TANGO6: variants seen among roughly 807,000 people sequenced by gnomAD.
TANGO6 encodes transport and golgi organization 6 homolog, also known as transport and Golgi organization protein 6 homolog.
TANGO6 carries 90 observed loss-of-function variants against 114.2 expected under a neutral mutation model. That is an observed-to-expected ratio of 0.79 (90% CI 0.66 to 0.94). The LOEUF (loss-of-function observed/expected upper bound fraction) is 0.94. Among genes scored for constraint, TANGO6 ranks in the 40% least tolerant of loss-of-function variants. TANGO6 has a pLI of 0.00. For missense variants in TANGO6, 1,274 were observed against 1,315.3 expected (o/e 0.97, Z 0.49); for synonymous variants, 477 against 509.8 (o/e 0.94, Z 0.87).
At chr16:69,025,894 C>T (rs1182354247) in intron 16 of TANGO6, 1 of 237,774 alleles carries the variant, frequency 4.2e-6, no homozygotes, top group African/African-American at 2.3e-5. Context: ...TCCTGAACCC[C>T]TTTCAGTGTC....
chr16:68,864,043 G>A (rs1207650298), intron 3 of TANGO6, among the ~76,000 whole-genome samples: 1 of 151,848 alleles, frequency 6.6e-6, no homozygotes, highest in African/African-American at 2.4e-5. Context: ...GCATGGTGAC[G>A]CATGCCTGTA....
At chr16:68,952,604 AC>A (rs1963481222) in intron 14 of TANGO6, among the ~76,000 whole-genome samples, 1 of 152,272 alleles carries the variant, frequency 6.6e-6, no homozygotes, top group Middle Eastern at 3.4e-3. Flanking sequence ...AGCATCAATT[AC>A]CCCCTCTCAG....
chr16:68,848,341 T>C (rs1423147675), intron 1 of TANGO6, among the ~76,000 whole-genome samples: 2 of 152,132 alleles, frequency 1.3e-5, no homozygotes, highest in African/African-American at 2.4e-5. Context: ...AAAGATTTTT[T>C]AAATATAGAG....
chr16:69,061,231 A>G (rs1388511908), intron 17 of TANGO6, among the ~76,000 whole-genome samples: 1 of 152,128 alleles, frequency 6.6e-6, no homozygotes, highest in African/African-American at 2.4e-5. Context: ...GAGTGACAGA[A>G]TGAATACTGA....
intron 4 of TANGO6, 170 bp downstream of exon 4, chr16:68,867,390 C>A: frequency 4.2e-6 from 3 of 722,554 alleles, no homozygotes; most frequent in Non-Finnish European, 6.7e-6. Flanking sequence ...GCTTCTTTTC[C>A]AAAGAAACTA....
At chr16:69,074,310 C>G (rs180916804) in intron 17 of TANGO6, among the ~76,000 whole-genome samples, 1 of 151,516 alleles carries the variant, frequency 6.6e-6, no homozygotes, top group East Asian at 2.0e-4. Context: ...AAAAGGAGTC[C>G]CGATCCAGAC....
chr16:68,850,273 C>T (rs1243160889), intron 1 of TANGO6, among the ~76,000 whole-genome samples: 1 of 152,034 alleles, frequency 6.6e-6, no homozygotes, highest in Non-Finnish European at 1.5e-5. Context: ...CGTCCAGCCT[C>T]TAGCTGTTCT....
intron 15 of TANGO6, among the ~76,000 whole-genome samples, chr16:68,996,128 G>A (rs1963987344): frequency 6.6e-6 from 1 of 152,184 alleles, no homozygotes; most frequent in Admixed American, 6.6e-5. Context: ...ACTGAAGTCA[G>A]AACAGAGATG....
chr16:68,938,960 A>C (rs1395220423), intron 14 of TANGO6, among the ~76,000 whole-genome samples: 1 of 150,922 alleles, frequency 6.6e-6, no homozygotes, highest in Non-Finnish European at 1.5e-5. Flanking sequence ...TAACCCCAAC[A>C]CTTTGGGAGG....
chr16:68,864,258 G>A (rs116552532), intron 3 of TANGO6, among the ~76,000 whole-genome samples: 55 of 151,832 alleles, frequency 3.6e-4, no homozygotes, highest in East Asian at 1.6e-3. Context: ...CTACATTTTC[G>A]TTATGAATCT....
chr16:68,941,437 A>T (rs1341157784), intron 14 of TANGO6, among the ~76,000 whole-genome samples: 1 of 151,750 alleles, frequency 6.6e-6, no homozygotes, highest in Admixed American at 6.6e-5. Context: ...ATTTGTATTG[A>T]GTCTGTTGAT....
chr16:69,040,453 C>T, intron 17 of TANGO6, 32 bp downstream of exon 17: 4 of 1,520,620 alleles, frequency 2.6e-6, no homozygotes, highest in Non-Finnish European at 3.6e-6. Flanking sequence ...TGCAATTTCT[C>T]CACCTCTTTT....
At chr16:69,007,704 A>T (rs1964106029) in intron 15 of TANGO6, among the ~76,000 whole-genome samples, 2 of 152,120 alleles carry the variant, frequency 1.3e-5, no homozygotes, top group Non-Finnish European at 2.9e-5. Flanking sequence ...TCATATGGTA[A>T]CTCTATGTTT....
intron 1 of TANGO6, among the ~76,000 whole-genome samples, chr16:68,845,596 T>G (rs770015299): frequency 1.1e-4 from 16 of 152,124 alleles, no homozygotes; most frequent in Non-Finnish European, 2.1e-4. Context: ...ATACCTGTAA[T>G]CCCAGCACTT....
intron 14 of TANGO6, chr16:68,973,821 G>A: frequency 1.7e-6 from 1 of 590,890 alleles, no homozygotes; most frequent in South Asian, 2.0e-5. Flanking sequence ...ATCAGGCTGG[G>A]ACTAGACAAA....
At chr16:68,859,770 G>C in intron 1 of TANGO6, 114 bp from the exon 2 acceptor site, 2 of 1,248,758 alleles carry the variant, frequency 1.6e-6, no homozygotes, top group Non-Finnish European at 2.2e-6. Flanking sequence ...TCCAGAGCCA[G>C]TGACAGTGGC....
chr16:68,895,048 G>A (rs1484230511), intron 7 of TANGO6, among the ~76,000 whole-genome samples: 4 of 152,040 alleles, frequency 2.6e-5, no homozygotes, highest in East Asian at 1.9e-4. Flanking sequence ...TCAGTTTTCC[G>A]CATTTTTAGA....
intron 17 of TANGO6, among the ~76,000 whole-genome samples, chr16:69,067,208 T>A (rs113295926): frequency 3.2e-4 from 48 of 151,120 alleles, no homozygotes; most frequent in Non-Finnish European, 4.1e-4. Context: ...ACAAAAAAAA[T>A]TTTTTTTTTA....
chr16:68,958,350 G>A (rs185808688), intron 14 of TANGO6, among the ~76,000 whole-genome samples: 63 of 151,550 alleles, frequency 4.2e-4, no homozygotes, highest in Admixed American at 1.1e-3. Flanking sequence ...TTAGCCGGGC[G>A]TGGTGGTGCA....
Sources: gnomAD v4.1 joint callset for allele counts (sites outside exome capture counted in the v4.1 genomes callset) on GRCh38, gnomAD v4.1.1 for gene constraint, MANE v1.5 for transcripts, NCBI Gene and HGNC (gene_info 2026-07-23, HGNC 2026-07-21) for gene names.